KDR: variants seen among roughly 807,000 people sequenced by gnomAD.
KDR encodes the protein kinase insert domain receptor, also known as vascular endothelial growth factor receptor 2.
Under a neutral mutation model 160.9 loss-of-function variants are expected in KDR, and 43 were observed. The ratio of observed to expected loss-of-function variants is 0.27; its 90% CI spans 0.21 to 0.34. The LOEUF is 0.34. Among genes scored for constraint, KDR ranks in the 10% least tolerant of loss-of-function variants. KDR has a pLI of 1.00. For synonymous variants in KDR, 617 were observed against 600.1 expected (o/e 1.03, Z -0.41); for missense variants, 1,469 against 1,666.4 (o/e 0.88, Z 2.06).
chr4:55,097,851 G>A, intron 17 of KDR, 85 bp from the exon 18 acceptor site: 3 of 979,794 alleles, frequency 3.1e-6, no homozygotes, highest in Non-Finnish European at 4.9e-6. Context: ...AACTAGATAG[G>A]GTGACCATAC....
intron 3 of KDR, among the ~76,000 whole-genome samples, chr4:55,115,828 A>G (rs1720721861): frequency 6.6e-6 from 1 of 152,194 alleles, no homozygotes; most frequent in African/African-American, 2.4e-5. Flanking sequence ...GACAAGTTTT[A>G]CTAATATTTA....
At position 55,113,438 on chromosome 4, in the gene KDR, G is replaced by C. The variant is rs931215054; in HGVS notation, c.842C>G (p.Ser281Cys). ...CAAAAATTTCTTCATCTCACTCCCAGACTGGGTTTTTAGGTCTCGGTTTAC... is the reference window on the plus strand; with the variant it reads ...CAAAAATTTCTTCATCTCACTCCCACACTGGGTTTTTAGGTCTCGGTTTAC... ...KLVNRDLKTQ[S>C]GSEMKKFLST... The change falls in exon 7 of 30, where the codon TCT becomes TGT. Residue 281 changes from serine to cysteine, a missense_variant. Coordinates refer to ENST00000263923, the MANE Select transcript of KDR (RefSeq NM_002253.4). The C allele has an allele frequency of 1.9e-6, 3 of 1,613,816 alleles. No individual in the cohort carries two copies. In the African/African-American group the frequency reaches 4.0e-5, roughly 22 times the overall value.
intron 25 of KDR, 140 bp downstream of exon 25, chr4:55,089,234 G>T: frequency 1.4e-6 from 1 of 707,814 alleles, no homozygotes; most frequent in South Asian, 1.7e-5. Flanking sequence ...CTCCATGCTT[G>T]AAATTATCAA....
At chr4:55,097,424 G>A (rs1273707794) in intron 18 of KDR, among the ~76,000 whole-genome samples, 2 of 152,098 alleles carry the variant, frequency 1.3e-5, no homozygotes, top group Non-Finnish European at 2.9e-5. Flanking sequence ...AGCCCTGCAC[G>A]AGGGTAACCA....
intron 7 of KDR, among the ~76,000 whole-genome samples, chr4:55,112,773 A>G (rs1160356391): frequency 6.6e-6 from 1 of 151,966 alleles, no homozygotes; most frequent in Admixed American, 6.6e-5. Flanking sequence ...CAGGTGATCC[A>G]CCCACCTCAG....
chr4:55,123,522 C>A lies in KDR; in HGVS notation c.67+1705G>T, dbSNP rs563353698. On this transcript the variant is annotated intron_variant, in intron 1 of 29. Transcript: ENST00000263923. ...GAAGCTGAGACTATGCCATACTATT[C>A]TAGAGACACGTTTACAACAAAAATC... 2.6e-5 allele frequency among the ~76,000 whole-genome samples: 4 copies of A among 152,322 alleles called. No individual in the cohort carries two copies. The South Asian group carries it at 8.3e-4, about 32-fold the overall frequency.
intron 25 of KDR, among the ~76,000 whole-genome samples, 175 bp downstream of exon 25, chr4:55,089,199 G>A (rs1223054724): frequency 2.6e-5 from 4 of 152,100 alleles, no homozygotes; most frequent in African/African-American, 9.7e-5. Flanking sequence ...GAATAATAAA[G>A]TACTATCTTT....
At chr4:55,124,771 G>C (rs140213451) in intron 1 of KDR, among the ~76,000 whole-genome samples, 14 of 152,176 alleles carry the variant, frequency 9.2e-5, no homozygotes, top group Non-Finnish European at 1.5e-5. Flanking sequence ...GCAGAACCGA[G>C]TGTACCGTCC....
chr4:55,093,851 G>A (rs748876711), intron 21 of KDR, among the ~76,000 whole-genome samples: 24 of 152,214 alleles, frequency 1.6e-4, no homozygotes, highest in South Asian at 4.2e-4. Flanking sequence ...TCCTGGAGCC[G>A]GCTGAAGTCC....
chr4:55,097,383 C>G (rs1434871315), intron 18 of KDR, among the ~76,000 whole-genome samples: 2 of 152,058 alleles, frequency 1.3e-5, no homozygotes, highest in South Asian at 2.1e-4. Context: ...TTCCCTGTAC[C>G]CAGAACCACT....
intron 9 of KDR, among the ~76,000 whole-genome samples, chr4:55,110,033 G>A (rs1006091395): frequency 2.6e-5 from 4 of 152,142 alleles, no homozygotes; most frequent in African/African-American, 9.7e-5. Context: ...AAAATCTAAG[G>A]AGAAGGGTCT....
intron 3 of KDR, 81 bp downstream of exon 3, chr4:55,118,523 T>C (rs1720787360): frequency 9.2e-7 from 1 of 1,087,306 alleles, no homozygotes; most frequent in Non-Finnish European, 1.4e-6. Context: ...AGCCCTTTGT[T>C]GTACTCAATT....
intron 18 of KDR, 148 bp downstream of exon 18, chr4:55,097,514 T>C (rs1211360301): frequency 8.0e-6 from 5 of 622,404 alleles, no homozygotes; most frequent in Non-Finnish European, 1.5e-5. Flanking sequence ...AGGATCCTTT[T>C]TCCAATTTGC....
intron 15 of KDR, among the ~76,000 whole-genome samples, chr4:55,099,645 C>A (rs1283830655): frequency 2.0e-5 from 3 of 152,162 alleles, no homozygotes; most frequent in African/African-American, 7.2e-5. Flanking sequence ...TTACTAATGA[C>A]CATGTATCTA....
Position 55,096,355 on chromosome 4 carries a change from T to C in KDR, c.2615-13A>G, listed in dbSNP as rs375253114. ...TGTGTTGCTCCTTCTACAAATACAG[T>C]ACAAAGAGGGAAATCATAGGTATGG... On this transcript the variant is annotated splice_polypyrimidine_tract_variant and intron_variant, in intron 18 of 29. Transcript: ENST00000263923. 2.5e-6 allele frequency: 4 copies of C among 1,572,516 alleles called. No individual in the cohort carries two copies. The African/African-American group carries it at 4.1e-5, about 16-fold the overall frequency.
chr4:55,101,997 G>A lies in KDR; in HGVS notation c.2166C>T (p.Leu722=), dbSNP rs942367596. The A allele has an allele frequency of 6.2e-7, 1 of 1,613,636 alleles. No homozygotes were observed. The highest frequency in any genetic ancestry group is 2.2e-5 in the East Asian group (1 of 44,870). Residue 722 remains leucine (L), a synonymous_variant, in exon 15 of 30, where the codon CTC becomes CTT. Coordinates refer to ENST00000263923, the MANE Select transcript of KDR (RefSeq NM_002253.4). ...CCTCCTTCCTCACTCTGCGGATAGTGAGGTTCCGGTTCCCATCCTTCAATA... is the reference window on the plus strand; with the variant it reads ...CCTCCTTCCTCACTCTGCGGATAGTAAGGTTCCGGTTCCCATCCTTCAATA... ...GIVLKDGNRN[L]TIRRVRKEDE...
intron 15 of KDR, among the ~76,000 whole-genome samples, chr4:55,101,434 G>A (rs750203031): frequency 3.3e-5 from 5 of 152,170 alleles, no homozygotes; most frequent in Non-Finnish European, 7.4e-5. Context: ...GTGAATGTGT[G>A]TCTATAAGAT....
chr4:55,120,903 C>T (rs569253845), intron 2 of KDR, among the ~76,000 whole-genome samples, 194 bp downstream of exon 2: 1 of 151,722 alleles, frequency 6.6e-6, no homozygotes, highest in Non-Finnish European at 1.5e-5. Flanking sequence ...TATAAAAACA[C>T]CAGCAAAATT....
chr4:55,096,133 A>G, intron 19 of KDR, 96 bp downstream of exon 19: 1 of 737,024 alleles, frequency 1.4e-6, no homozygotes. Flanking sequence ...TTCTAAGCTA[A>G]GAAAATCAAG....
Sources: allele counts gnomAD v4.1 joint callset (sites outside exome capture counted in the v4.1 genomes callset), GRCh38; gene constraint gnomAD v4.1.1; transcripts MANE v1.5; gene names NCBI Gene and HGNC (gene_info 2026-07-23, HGNC 2026-07-21).